Variants in SPG7 observed in about 807,000 individuals in gnomAD.
SPG7 encodes the protein SPG7 matrix AAA peptidase subunit, paraplegin, also known as mitochondrial inner membrane m-AAA protease component paraplegin.
SPG7 carries 103 observed loss-of-function variants against 81.9 expected under a neutral mutation model. The observed-to-expected ratio is 1.26, with a 90% confidence interval of 1.07 to 1.48. The LOEUF (loss-of-function observed/expected upper bound fraction) is 1.48. Ranked by LOEUF, SPG7 falls within the 40% of genes most tolerant of loss-of-function variation. SPG7 has a pLI of 0.00. For synonymous variants in SPG7, 534 were observed against 444.2 expected, an observed-to-expected ratio of 1.20 and a Z score of -2.54; for missense variants, 1,241 against 1,087.3, an observed-to-expected ratio of 1.14 and a Z score of -1.99.
rs553232825 is a variant in SPG7, at chr16:89,550,340, T to A, written c.1664-154T>A. ...GGCGCCCGCCATCACACCTAGCTAATTTTTCTATTTTTAGTAGGGACGGGG... is the reference window on the plus strand; with the variant it reads ...GGCGCCCGCCATCACACCTAGCTAAATTTTCTATTTTTAGTAGGGACGGGG... On this transcript the variant is annotated intron_variant, in intron 12 of 16. Transcript: ENST00000645818. 201 of 658,750 alleles carry A rather than the reference T, an allele frequency of 3.1e-4. 1 individual carries two copies. Among genetic ancestry groups the A allele is most frequent in the South Asian group, 2.7e-3 (183 of 66,594 alleles). 40.8% of individuals were successfully genotyped at this position (658,750 alleles called of 1,614,324 possible).
chr16:89,523,413 A>T (rs2058216716), intron 3 of SPG7: 1 of 323,340 alleles, frequency 3.1e-6, no homozygotes, highest in Non-Finnish European at 6.1e-6. Context: ...TTATTTCTTG[A>T]GGCAGGTTGT....
At chr16:89,548,543 G>A (rs1597659049) in intron 12 of SPG7, 1 of 309,782 alleles carries the variant, frequency 3.2e-6, no homozygotes, top group East Asian at 9.4e-5. Flanking sequence ...CGTGCTTTCA[G>A]CGCAGCAGGG....
At chr16:89,540,087 G>A (rs140518608) in intron 9 of SPG7, 1 of 152,638 alleles carries the variant, frequency 6.6e-6, no homozygotes, top group African/African-American at 2.4e-5. Flanking sequence ...CTGGCTCTGT[G>A]AGTCTGTCCT....
chr16:89,546,692 G>C lies in SPG7; in HGVS notation c.1484G>C (p.Ser495Thr), dbSNP rs749367697. 2 of 1,613,780 alleles carry C rather than the reference G, an allele frequency of 1.2e-6. No individual in the cohort carries two copies. The highest frequency in any genetic ancestry group is 2.2e-5 in the South Asian group (2 of 91,074). ...GAGATTTTTGAGCAGCACCTGAAGA[G>C]CCTGAAGCTGACCCAGTCCAGCACC... Reference protein sequence around the residue: ...RREIFEQHLKSLKLTQSSTFY... With the variant: ...RREIFEQHLKTLKLTQSSTFY... Residue 495 changes from serine to threonine, a missense_variant, in exon 11 of 17, where the codon AGC becomes ACC. Physicochemically the swap from Ser to Thr is moderately conservative, Grantham distance 58. Transcript: ENST00000645818.
chr16:89,530,137 CCTTT>C (rs1722931424), intron 6 of SPG7: 1 of 260,210 alleles, frequency 3.8e-6, no homozygotes, highest in Admixed American at 5.2e-5. Flanking sequence ...CTGCACCTGG[CCTTT>C]CTTTTTTGTG....
intron 3 of SPG7, chr16:89,519,417 G>C (rs1213219426): frequency 6.6e-6 from 1 of 151,222 alleles, no homozygotes; most frequent in Non-Finnish European, 1.5e-5. Context: ...TTTCGCTCTT[G>C]TTGCCCAGCC....
chr16:89,540,072 C>T (rs1248197755), intron 9 of SPG7: 1 of 152,582 alleles, frequency 6.6e-6, no homozygotes, highest in Non-Finnish European at 1.5e-5. Context: ...ATGTGGGGGT[C>T]TGTGCTGGCT....
At position 89,531,631 on chromosome 16, in the gene SPG7, C is replaced by G. The variant is rs114696031; in HGVS notation, c.988-273C>G. On this transcript the variant is annotated intron_variant, in intron 7 of 16. Coordinates refer to ENST00000645818, the MANE Select transcript of SPG7 (RefSeq NM_003119.4). Reference sequence around the variant, plus strand: ...TCAAGCTACGCGCCTGCCTCAGCCTCCCAAAATGTTGGAATTCCAGGTGTG... The same window carrying G: ...TCAAGCTACGCGCCTGCCTCAGCCTGCCAAAATGTTGGAATTCCAGGTGTG... The G allele has an allele frequency of 9.4e-4, 447 of 475,588 alleles. 2 individuals are homozygous for G. The highest frequency in any genetic ancestry group is 8.2e-3 in the African/African-American group (419 of 51,034). 29.5% of individuals were successfully genotyped at this position (475,588 alleles called of 1,614,324 possible).
At chr16:89,548,613 G>T (rs368963005) in intron 12 of SPG7, 1 of 317,758 alleles carries the variant, frequency 3.1e-6, no homozygotes, top group Non-Finnish European at 6.2e-6. Context: ...GGTCCCGACC[G>T]TCAGTAGGAA....
intron 3 of SPG7, among the ~76,000 whole-genome samples, chr16:89,515,338 G>A (rs985157329): frequency 6.6e-6 from 1 of 150,706 alleles, no homozygotes; most frequent in Non-Finnish European, 1.5e-5. Context: ...GTGCGATGTC[G>A]GCTCAGTGCA....
intron 4 of SPG7, 50 bp downstream of exon 4, chr16:89,524,297 G>T: frequency 1.9e-6 from 3 of 1,575,476 alleles, no homozygotes; most frequent in Non-Finnish European, 8.6e-7. Flanking sequence ...GCACAGGCTG[G>T]CAGCCTGTGA....
rs75954229 is a variant in SPG7 at position 89,529,440 on chromosome 16, C to T, written c.759-37C>T. On this transcript the variant is annotated intron_variant, in intron 5 of 16. Coordinates refer to ENST00000645818, the MANE Select transcript of SPG7 (RefSeq NM_003119.4). ...GAAGCCTGCGTCTGTCACGTGACAC[C>T]GTCTGAGCCTGTGCCTGCCTCTCTT... 177 of 1,408,458 alleles carry T rather than the reference C, an allele frequency of 1.3e-4. No homozygotes were observed. The African/African-American group carries it at 2.0e-3, about 16-fold the overall frequency. 87.2% of individuals were successfully genotyped at this position (1,408,458 alleles called of 1,614,324 possible). A position where few individuals can be genotyped will look rare whatever the true frequency, so the allele number is the denominator to read the frequency against.
intron 6 of SPG7, 170 bp downstream of exon 6, chr16:89,529,749 G>C: frequency 1.5e-6 from 1 of 682,116 alleles, no homozygotes; most frequent in Non-Finnish European, 2.7e-6. Context: ...GCTGTAAGGC[G>C]TGTAGTAACC....
intron 6 of SPG7, chr16:89,530,221 T>G (rs1051696199): frequency 9.4e-5 from 30 of 319,136 alleles, no homozygotes; most frequent in South Asian, 3.5e-4. Context: ...CTCAGCTCAC[T>G]GCAACCTCTG....
intron 9 of SPG7, chr16:89,543,297 T>C (rs1255250246): frequency 6.6e-6 from 1 of 150,592 alleles, no homozygotes; most frequent in African/African-American, 2.4e-5. Flanking sequence ...TTAGTCAAGG[T>C]AGGTCTTGTC....
intron 9 of SPG7, 132 bp from the exon 10 acceptor site, chr16:89,544,516 C>G (rs902540381): frequency 1.9e-6 from 2 of 1,027,984 alleles, no homozygotes; most frequent in African/African-American, 1.6e-5. Flanking sequence ...TTCAGAAGGA[C>G]CGGGCTGTTC....
At position 89,536,501 on chromosome 16, in the gene SPG7, G is replaced by C. The variant is rs1302734900; in HGVS notation, c.1324+3865G>C. ...GCGGGTGAGGTCAGGTGAGGCAGGT[G>C]AGGTGAGGCGGGTGAGGTCAGGTGA... On this transcript the variant is annotated intron_variant, in intron 9 of 16. Transcript: ENST00000645818. 0.028 allele frequency among the ~76,000 whole-genome samples: 1,334 copies of C among 47,546 alleles called. 316 individuals are homozygous for C. Among genetic ancestry groups the C allele is most frequent in the Middle Eastern group, 0.095 (4 of 42 alleles). 31.2% of individuals were successfully genotyped at this position (47,546 alleles called of 152,430 possible).
At chr16:89,513,408 C>A (rs1419070219) in intron 3 of SPG7, among the ~76,000 whole-genome samples, 1 of 151,592 alleles carries the variant, frequency 6.6e-6, no homozygotes. Context: ...CCCAGCTACT[C>A]GGGAGGCTGA....
chr16:89,556,157 G>T, intron 16 of SPG7: 1 of 399,000 alleles, frequency 2.5e-6, no homozygotes, highest in Non-Finnish European at 4.4e-6. Flanking sequence ...CACACACTCA[G>T]TGGGTTGCAG....
Sources: gnomAD v4.1 joint callset for allele counts (sites outside exome capture counted in the v4.1 genomes callset) on GRCh38, gnomAD v4.1.1 for gene constraint, MANE v1.5 for transcripts, NCBI Gene and HGNC (gene_info 2026-07-23, HGNC 2026-07-21) for gene names.